SH3BP5: variants seen among roughly 807,000 people sequenced by gnomAD.
The protein encoded by SH3BP5 is SH3 domain binding protein 5, also known as SH3 domain-binding protein 5.
A neutral mutation model predicts 43.3 loss-of-function variants in SH3BP5; 22 were observed. The observed-to-expected ratio is 0.51, with a 90% CI of 0.36 to 0.73. The LOEUF (loss-of-function observed/expected upper bound fraction) is 0.73, where lower values mean the gene tolerates loss of function less well. Ranked by LOEUF, SH3BP5 falls within the 30% of genes least tolerant of loss-of-function variation. The pLI is 0.00. For missense variants in SH3BP5, 529 were observed against 586.9 expected, an observed-to-expected ratio of 0.90 and a Z score of 1.02; for synonymous variants, 255 against 225.8, an observed-to-expected ratio of 1.13 and a Z score of -1.16.
chr3:15,270,945 GATTA>G (rs1310908031), intron 3 of SH3BP5, among the ~76,000 whole-genome samples: 2 of 139,348 alleles, frequency 1.4e-5, no homozygotes, highest in East Asian at 4.1e-4. Context: ...AAAAAAAAGT[GATTA>G]ATCCCAATTG....
intron 3 of SH3BP5, among the ~76,000 whole-genome samples, chr3:15,301,903 C>T (rs116488977): frequency 6.6e-6 from 1 of 152,058 alleles, no homozygotes; most frequent in Non-Finnish European, 1.5e-5. Flanking sequence ...GCCACTGCCG[C>T]GACTCCAGTG....
chr3:15,296,302 C>T (rs1051066928), intron 3 of SH3BP5, among the ~76,000 whole-genome samples: 1 of 151,868 alleles, frequency 6.6e-6, no homozygotes, highest in South Asian at 2.1e-4. Flanking sequence ...CTATAATCCT[C>T]CCACAGTCTC....
intron 5 of SH3BP5, 80 bp from the exon 6 acceptor site, chr3:15,259,883 A>G: frequency 2.3e-6 from 3 of 1,300,100 alleles, no homozygotes; most frequent in East Asian, 2.3e-5. Flanking sequence ...AACAAGAGGC[A>G]TCAGCTACCA....
At chr3:15,330,312 C>A (rs3773464) in intron 2 of SH3BP5, among the ~76,000 whole-genome samples, 192 bp downstream of exon 2, 84,974 of 152,028 alleles carry the variant, frequency 0.56, 24,020 homozygotes, top group South Asian at 0.73. Context: ...ACAACATGTG[C>A]AATTGGATCC....
chr3:15,260,086 T>C, intron 5 of SH3BP5: 2 of 477,112 alleles, frequency 4.2e-6, no homozygotes, highest in South Asian at 2.2e-5. Flanking sequence ...GCAACTTAGC[T>C]CATGTTCCTC....
At chr3:15,321,617 A>C (rs1341630737) in intron 2 of SH3BP5, among the ~76,000 whole-genome samples, 1 of 142,834 alleles carries the variant, frequency 7.0e-6, no homozygotes, top group East Asian at 2.0e-4. Flanking sequence ...AGAAATGAAA[A>C]CTAAAAATCA....
At chr3:15,336,937 A>C (rs1394050063), upstream of SH3BP5, among the ~76,000 whole-genome samples, 3 of 152,036 alleles carry the variant, frequency 2.0e-5, no homozygotes, top group African/African-American at 7.3e-5. Flanking sequence ...CTCCCCGACC[A>C]CTGTAAGCAC....
At chr3:15,326,903 C>A (rs1401160478) in intron 2 of SH3BP5, among the ~76,000 whole-genome samples, 2 of 152,092 alleles carry the variant, frequency 1.3e-5, no homozygotes, top group African/African-American at 4.8e-5. Context: ...GCTAATGAAT[C>A]AATAGTATAT....
At chr3:15,337,292 C>T (rs1698712838), upstream of SH3BP5, among the ~76,000 whole-genome samples, 1 of 151,870 alleles carries the variant, frequency 6.6e-6, no homozygotes, top group Admixed American at 6.6e-5. Context: ...ACCATGTTGG[C>T]CAGGCTGGTC....
chr3:15,286,063 A>G (rs1697256299), intron 3 of SH3BP5, among the ~76,000 whole-genome samples: 1 of 152,244 alleles, frequency 6.6e-6, no homozygotes, highest in Non-Finnish European at 1.5e-5. Flanking sequence ...GGGATCTATT[A>G]TCATGTAAGT....
At chr3:15,325,009 A>T (rs1698425749) in intron 2 of SH3BP5, among the ~76,000 whole-genome samples, 2 of 152,198 alleles carry the variant, frequency 1.3e-5, no homozygotes, top group South Asian at 4.1e-4. Context: ...ATAAGCAGAA[A>T]CTATTCCCAC....
At chr3:15,325,892 G>T (rs1698449110) in intron 2 of SH3BP5, among the ~76,000 whole-genome samples, 1 of 152,136 alleles carries the variant, frequency 6.6e-6, no homozygotes, top group South Asian at 2.1e-4. Flanking sequence ...GGTGGTGTGA[G>T]CCTTTGGTCC....
chr3:15,256,233 G>A lies in SH3BP5; in HGVS notation c.1221C>T (p.Ser407=), dbSNP rs1696192175. ...TCTTACTGCTGCCACCACTGCCACT[G>A]CTACTGCTGAGGCCCCGGTTGTTGT... ...KANNNRGLSS[S]SGSGGSSKSQ... The change falls in exon 9 of 9, where the codon AGC becomes AGT. Residue 407 remains serine (S), a synonymous_variant. Transcript: ENST00000383791. 2 of 1,614,176 alleles carry A rather than the reference G, an allele frequency of 1.2e-6. No individual in the cohort carries two copies. The highest frequency in any genetic ancestry group is 1.7e-6 in the Non-Finnish European group (2 of 1,180,018).
chr3:15,299,483 ATTTTTTTTT>A (rs60281447), intron 3 of SH3BP5, among the ~76,000 whole-genome samples: 5,810 of 92,276 alleles, frequency 0.063, 285 homozygotes, highest in East Asian at 0.3. Context: ...CAACAATTAG[ATTTTTTTTT>A]TTTTTTTTTT....
intron 3 of SH3BP5, among the ~76,000 whole-genome samples, chr3:15,278,575 G>A (rs935523470): frequency 1.3e-5 from 2 of 152,180 alleles, no homozygotes; most frequent in African/African-American, 4.8e-5. Flanking sequence ...TTTCACCCCT[G>A]AGGATGTCTG....
chr3:15,336,595 G>A (rs1458620256), upstream of SH3BP5, among the ~76,000 whole-genome samples: 2 of 152,168 alleles, frequency 1.3e-5, no homozygotes, highest in African/African-American at 4.8e-5. Flanking sequence ...GAGGTTGGAG[G>A]AGAGAGGCTT....
intron 3 of SH3BP5, among the ~76,000 whole-genome samples, chr3:15,285,652 A>T (rs1697245667): frequency 6.6e-6 from 1 of 152,244 alleles, no homozygotes; most frequent in Admixed American, 6.5e-5. Context: ...ACAAGACTGC[A>T]AACTCTTTGA....
intron 2 of SH3BP5, among the ~76,000 whole-genome samples, chr3:15,315,117 TATCA>T (rs1484146759): frequency 6.6e-6 from 1 of 152,174 alleles, no homozygotes; most frequent in African/African-American, 2.4e-5. Flanking sequence ...TCATATGATG[TATCA>T]ATCAAACAGG....
chr3:15,309,310 T>C (rs1002666728), intron 2 of SH3BP5, among the ~76,000 whole-genome samples: 1 of 152,104 alleles, frequency 6.6e-6, no homozygotes, highest in Admixed American at 6.6e-5. Flanking sequence ...GTGTTTTTGT[T>C]TTTGGGGGTT....
Sources: allele counts gnomAD v4.1 joint callset (sites outside exome capture counted in the v4.1 genomes callset), GRCh38; gene constraint gnomAD v4.1.1; transcripts MANE v1.5; gene names NCBI Gene and HGNC (gene_info 2026-07-23, HGNC 2026-07-21).